Variants in RHPN2 observed in about 807,000 individuals in gnomAD.
RHPN2 encodes rhophilin Rho GTPase binding protein 2.
RHPN2 carries 40 observed loss-of-function variants against 79.0 expected under a neutral mutation model. The observed-to-expected ratio is 0.51, with a 90% CI of 0.39 to 0.66. RHPN2 has a LOEUF of 0.66. Ranked by LOEUF, RHPN2 falls within the 30% of genes least tolerant of loss-of-function variation. The pLI is 0.00. For synonymous variants in RHPN2, 285 were observed against 363.5 expected (o/e 0.78, Z 2.46); for missense variants, 686 against 883.5 (o/e 0.78, Z 2.83).
intron 14 of RHPN2, among the ~76,000 whole-genome samples, chr19:32,987,415 T>C (rs944420604): frequency 1.6e-4 from 25 of 152,186 alleles, no homozygotes; most frequent in Non-Finnish European, 2.9e-4. Flanking sequence ...TCAACTGACT[T>C]CTGCTGCCAC....
chr19:33,032,282 G>A lies in RHPN2; in HGVS notation c.186-5650C>T, dbSNP rs561088246. 6.3e-4 allele frequency among the ~76,000 whole-genome samples: 96 copies of A among 152,308 alleles called. 1 individual carries two copies. Among genetic ancestry groups the A allele is most frequent in the Middle Eastern group, 6.8e-3 (2 of 294 alleles). Reference sequence around the variant, plus strand: ...TCCACCCACCTCGGCCTCCCGAAGTGCTGGGATTATAGGCGTGAGCCACCG... The same window carrying A: ...TCCACCCACCTCGGCCTCCCGAAGTACTGGGATTATAGGCGTGAGCCACCG... On this transcript the variant is annotated intron_variant, in intron 2 of 14. Coordinates refer to ENST00000254260, the MANE Select transcript of RHPN2 (RefSeq NM_033103.5).
In RHPN2 at chr19:33,044,304, T is replaced by C. The variant is rs996892543; in HGVS notation, c.130A>G (p.Asn44Asp). 6.2e-7 allele frequency: 1 copy of C among 1,614,102 alleles called. No homozygotes were observed. Among genetic ancestry groups the C allele is most frequent in the South Asian group, 1.1e-5 (1 of 91,084 alleles). The change falls in exon 2 of 15, where the codon AAT becomes GAT. Residue 44 changes from asparagine (N) to aspartate (D), a missense_variant. Physicochemically the swap from Asn to Asp is conservative, Grantham distance 23 (BLOSUM62 1). Coordinates refer to ENST00000254260, the MANE Select transcript of RHPN2 (RefSeq NM_033103.5). ...CGCACGGCTTTCAGGATCTGCTGAT[T>C]CAAAGCAGCTCTTTGATTCTGCAAT... ...SKLQNQRAAL[N>D]QQILKAVRMR...
At position 33,013,489 on chromosome 19, in the gene RHPN2, C is replaced by T. The variant is rs10410647; in HGVS notation, c.391-765G>A. ...GGATTACAGGTGTGAGCCACTGCAA[C>T]ACACGCCTATGTTTTTAAATGTTGT... is the stretch of plus-strand genomic sequence containing the variant. On this transcript the variant is annotated intron_variant, in intron 4 of 14. Coordinates refer to ENST00000254260, the MANE Select transcript of RHPN2 (RefSeq NM_033103.5). 9.7e-3 allele frequency among the ~76,000 whole-genome samples: 1,484 copies of T among 152,268 alleles called. 33 individuals carry two copies. The highest frequency in any genetic ancestry group is 0.034 in the African/African-American group (1,422 of 41,548).
chr19:32,980,063 C>T lies in RHPN2; in HGVS notation c.1994G>A (p.Arg665Gln), dbSNP rs753308360. 67 of 1,613,710 alleles carry T rather than the reference C, an allele frequency of 4.2e-5. 1 individual carries two copies. Among genetic ancestry groups the T allele is most frequent in the South Asian group, 1.9e-4 (17 of 91,070 alleles). The change falls in exon 15 of 15, where the codon CGG becomes CAG. Residue 665 changes from arginine (R) to glutamine (Q), a missense_variant. Coordinates refer to ENST00000254260, the MANE Select transcript of RHPN2 (RefSeq NM_033103.5). The stretch of plus-strand genomic sequence containing the variant: ...GGGCAGCTTCTTCTTGACCTGAGGC[C>T]GTGCAGCCCCGACCGATGGGAGGCA... ...TLCLPSVGAA[R>Q]PQVKKKLPSP...
chr19:32,997,073 A>G (rs1429022672), intron 10 of RHPN2, among the ~76,000 whole-genome samples: 2 of 152,028 alleles, frequency 1.3e-5, no homozygotes, highest in African/African-American at 4.8e-5. Flanking sequence ...TGTTTTCACT[A>G]TCATCATCAT....
At chr19:33,040,448 C>T (rs1009234867) in intron 2 of RHPN2, among the ~76,000 whole-genome samples, 19 of 151,790 alleles carry the variant, frequency 1.3e-4, no homozygotes, top group African/African-American at 4.4e-4. Flanking sequence ...CCATGTTGGC[C>T]AGGATGGTCT....
chr19:33,034,597 C>T (rs1383202174), intron 2 of RHPN2, among the ~76,000 whole-genome samples: 1 of 102,494 alleles, frequency 9.8e-6, no homozygotes. Flanking sequence ...CAGAGCGAGA[C>T]TCCGTCTCAA....
At chr19:33,039,793 A>C (rs554640846) in intron 2 of RHPN2, among the ~76,000 whole-genome samples, 1 of 151,602 alleles carries the variant, frequency 6.6e-6, no homozygotes, top group South Asian at 2.1e-4. Flanking sequence ...AGCTAAGATC[A>C]CGCCACTGCA....
At chr19:33,007,159 A>G (rs1043269939) in intron 7 of RHPN2, among the ~76,000 whole-genome samples, 1 of 152,168 alleles carries the variant, frequency 6.6e-6, no homozygotes, top group Admixed American at 6.5e-5. Context: ...CACCCACCTC[A>G]TGCTGGAGAA....
At chr19:32,987,302 C>A (rs1160017502) in intron 14 of RHPN2, among the ~76,000 whole-genome samples, 1 of 152,172 alleles carries the variant, frequency 6.6e-6, no homozygotes, top group Non-Finnish European at 1.5e-5. Flanking sequence ...CTCCCGACTC[C>A]CATTGCCCAG....
chr19:32,991,704 A>C, intron 13 of RHPN2, 119 bp downstream of exon 13: 1 of 1,119,392 alleles, frequency 8.9e-7, no homozygotes, highest in Non-Finnish European at 1.3e-6. Context: ...TCTTTTAGGG[A>C]ATGTAGCACC....
intron 1 of RHPN2, among the ~76,000 whole-genome samples, chr19:33,053,065 G>A (rs573806734): frequency 5.3e-5 from 8 of 150,362 alleles, no homozygotes; most frequent in African/African-American, 7.3e-5. Flanking sequence ...TCCACCTCCC[G>A]GGTTCAAGCG....
At chr19:33,063,899 CA>C (rs969815150) in intron 1 of RHPN2, among the ~76,000 whole-genome samples, 10 of 150,798 alleles carry the variant, frequency 6.6e-5, no homozygotes, top group African/African-American at 2.5e-4. Flanking sequence ...GTGAGACGCA[CA>C]AGACCGTGGG....
chr19:33,025,323 A>AAAC (rs1555712843), intron 3 of RHPN2, among the ~76,000 whole-genome samples: 3 of 151,210 alleles, frequency 2.0e-5, no homozygotes, highest in Admixed American at 6.6e-5. Flanking sequence ...AAAAAAAAAA[A>AAAC]AAAAAACAAT....
intron 4 of RHPN2, among the ~76,000 whole-genome samples, chr19:33,013,171 C>T (rs181565011): frequency 8.2e-5 from 12 of 147,230 alleles, no homozygotes; most frequent in East Asian, 2.0e-4. Flanking sequence ...CCACCGTGCC[C>T]GGCCATAGTT....
At position 33,040,644 on chromosome 19, in the gene RHPN2, G is replaced by A. The variant is rs141075267; in HGVS notation, c.185+3605C>T. 3.6e-3 allele frequency among the ~76,000 whole-genome samples: 539 copies of A among 151,186 alleles called. 2 individuals carry two copies. Among genetic ancestry groups the A allele is most frequent in the African/African-American group, 0.013 (509 of 40,608 alleles). ...GGAAGCTGGGAGAAGACAGAATATT[G>A]TCTCTGGTTGGCCTAAATGAAAAAG... On this transcript the variant is annotated intron_variant, in intron 2 of 14. Coordinates refer to ENST00000254260, the MANE Select transcript of RHPN2 (RefSeq NM_033103.5).
At chr19:33,034,462 T>C (rs1599827775) in intron 2 of RHPN2, among the ~76,000 whole-genome samples, 1 of 151,508 alleles carries the variant, frequency 6.6e-6, no homozygotes, top group East Asian at 2.0e-4. Context: ...AAAAATTAGC[T>C]GTGTGTGGTG....
chr19:33,004,732 G>A (rs1161346397), intron 7 of RHPN2, among the ~76,000 whole-genome samples: 2 of 151,612 alleles, frequency 1.3e-5, no homozygotes, highest in African/African-American at 2.4e-5. Context: ...GATTACAGGT[G>A]TCCACCACCA....
intron 1 of RHPN2, among the ~76,000 whole-genome samples, chr19:33,049,143 G>C (rs1284594105): frequency 6.6e-6 from 1 of 152,122 alleles, no homozygotes; most frequent in East Asian, 1.9e-4. Context: ...TAGGAATGTT[G>C]GGCTTTGCTG....
Sources: gnomAD v4.1 joint callset for allele counts (sites outside exome capture counted in the v4.1 genomes callset) on GRCh38, gnomAD v4.1.1 for gene constraint, MANE v1.5 for transcripts, NCBI Gene and HGNC (gene_info 2026-07-23, HGNC 2026-07-21) for gene names.